Variants in ETS1 observed in about 807,000 individuals in gnomAD.
ETS1 encodes the protein ETS proto-oncogene 1, transcription factor.
A neutral mutation model predicts 58.6 loss-of-function variants in ETS1; 15 were observed. The observed-to-expected ratio is 0.26, with a 90% CI of 0.17 to 0.39. The LOEUF (loss-of-function observed/expected upper bound fraction) is 0.39. Among genes scored for constraint, ETS1 ranks in the 10% least tolerant of loss-of-function variants. ETS1 has a pLI of 1.00. For missense variants in ETS1, 417 were observed against 610.5 expected, an observed-to-expected ratio of 0.68 and a Z score of 3.34; for synonymous variants, 214 against 218.2, an observed-to-expected ratio of 0.98 and a Z score of 0.17.
intron 3 of ETS1, chr11:128,536,663 T>C (rs1863977536): frequency 6.6e-6 from 1 of 152,168 alleles, no homozygotes; most frequent in South Asian, 2.1e-4. Context: ...AAGCCTCTCA[T>C]TAGGAGGAGA....
chr11:128,552,178 T>A (rs1317202088), intron 3 of ETS1, among the ~76,000 whole-genome samples: 1 of 152,108 alleles, frequency 6.6e-6, no homozygotes, highest in Non-Finnish European at 1.5e-5. Flanking sequence ...GATTAAGTTG[T>A]CTAAGGTCAC....
rs141583646 is a variant in ETS1, at chr11:128,558,170, G to A, written c.70-1735C>T. On this transcript the variant is annotated intron_variant, in intron 2 of 9. Coordinates refer to ENST00000392668, the MANE Select transcript of ETS1 (RefSeq NM_001143820.2). ...CATTAAAGGTACTGAGGATGTAAGT[G>A]GGACTCAGTGGAAATGTCACCAGTT... Among the ~76,000 whole-genome samples the A allele has an allele frequency of 1.6e-3, 245 of 152,288 alleles. 2 individuals carry two copies. Among genetic ancestry groups the A allele is most frequent in the East Asian group, 2.5e-3 (13 of 5,186 alleles).
At chr11:128,509,550 A>ATTTTTTTTTTTTTT (rs59753000) in intron 3 of ETS1, among the ~76,000 whole-genome samples, 1 of 95,102 alleles carries the variant, frequency 1.1e-5, no homozygotes. Context: ...TCAGGTGAAA[A>ATTTTTTTTTTTTTT]TTTTTTTTTT....
intron 3 of ETS1, among the ~76,000 whole-genome samples, chr11:128,548,185 G>T (rs1326505578): frequency 6.6e-6 from 1 of 151,484 alleles, no homozygotes; most frequent in Non-Finnish European, 1.5e-5. Context: ...AGAAAAAGAA[G>T]TGGGGGAGTG....
chr11:128,517,936 C>CAAAT (rs889814548), intron 3 of ETS1, among the ~76,000 whole-genome samples: 1 of 152,154 alleles, frequency 6.6e-6, no homozygotes, highest in Non-Finnish European at 1.5e-5. Flanking sequence ...CTCTGCCAAC[C>CAAAT]AAATAAATAA....
chr11:128,500,111 G>T (rs1252432548), intron 3 of ETS1, among the ~76,000 whole-genome samples: 2 of 152,132 alleles, frequency 1.3e-5, no homozygotes, highest in African/African-American at 4.8e-5. Flanking sequence ...GAGGAACGGG[G>T]GCTAGGAAGG....
intron 3 of ETS1, chr11:128,522,332 C>T (rs909762789): frequency 1.5e-5 from 15 of 1,032,976 alleles, no homozygotes; most frequent in Non-Finnish European, 1.7e-5. Context: ...CCCTCCCTCT[C>T]GCCCTCCCGC....
chr11:128,523,294 T>TA, intron 3 of ETS1, among the ~76,000 whole-genome samples: 1 of 152,292 alleles, frequency 6.6e-6, no homozygotes, highest in Non-Finnish European at 1.5e-5. Flanking sequence ...ACACTAGAGA[T>TA]AAAACAAAAT....
At chr11:128,520,910 C>G (rs1031640726) in intron 3 of ETS1, among the ~76,000 whole-genome samples, 1 of 152,198 alleles carries the variant, frequency 6.6e-6, no homozygotes, top group African/African-American at 2.4e-5. Context: ...TAATCAGATA[C>G]AACAGAGGAG....
chr11:128,509,550 A>ATTT (rs59753000), intron 3 of ETS1, among the ~76,000 whole-genome samples: 11 of 95,106 alleles, frequency 1.2e-4, no homozygotes, highest in Admixed American at 3.5e-4. Flanking sequence ...TCAGGTGAAA[A>ATTT]TTTTTTTTTT....
chr11:128,496,038 A>C (rs1862931927), intron 3 of ETS1, among the ~76,000 whole-genome samples: 1 of 152,124 alleles, frequency 6.6e-6, no homozygotes, highest in African/African-American at 2.4e-5. Flanking sequence ...AATCCCAGAA[A>C]ACAAGTCATT....
intron 1 of ETS1, among the ~76,000 whole-genome samples, chr11:128,580,785 T>C (rs1286333272): frequency 1.3e-5 from 2 of 152,236 alleles, no homozygotes; most frequent in Non-Finnish European, 2.9e-5. Context: ...CATCTCAGTC[T>C]TTGTTTCTTC....
chr11:128,539,165 A>G (rs1451892647), intron 3 of ETS1, among the ~76,000 whole-genome samples: 2 of 152,242 alleles, frequency 1.3e-5, no homozygotes, highest in African/African-American at 2.4e-5. Flanking sequence ...TACAATGCTA[A>G]AAGCACTAGA....
chr11:128,509,672 C>T (rs1217414222), intron 3 of ETS1, among the ~76,000 whole-genome samples: 2 of 150,224 alleles, frequency 1.3e-5, no homozygotes, highest in Non-Finnish European at 2.9e-5. Context: ...ACAGAGAACA[C>T]ATCACACAGA....
chr11:128,511,832 T>G (rs1367167939), intron 3 of ETS1, among the ~76,000 whole-genome samples: 1 of 152,230 alleles, frequency 6.6e-6, no homozygotes, highest in African/African-American at 2.4e-5. Flanking sequence ...AGCTTCATGT[T>G]CTAACTCTCC....
At chr11:128,485,586 T>C (rs970691094) in intron 6 of ETS1, among the ~76,000 whole-genome samples, 1 of 152,222 alleles carries the variant, frequency 6.6e-6, no homozygotes, top group African/African-American at 2.4e-5. Flanking sequence ...CTCTTCAGTA[T>C]GGTTGGGTAT....
intron 3 of ETS1, among the ~76,000 whole-genome samples, chr11:128,499,481 G>C (rs1353701814): frequency 6.6e-6 from 1 of 152,140 alleles, no homozygotes; most frequent in Non-Finnish European, 1.5e-5. Context: ...TGTTTCTTAA[G>C]TGACTTAACT....
chr11:128,556,143 G>A (rs772504959), intron 3 of ETS1, 148 bp downstream of exon 3: 4 of 606,140 alleles, frequency 6.6e-6, no homozygotes, highest in Non-Finnish European at 1.1e-5. Flanking sequence ...AAAATTTATG[G>A]AGAAGGCCCG....
intron 1 of ETS1, among the ~76,000 whole-genome samples, chr11:128,577,866 A>C (rs1186964482): frequency 2.6e-5 from 4 of 151,238 alleles, no homozygotes; most frequent in Non-Finnish European, 5.9e-5. Context: ...GGTGCAGCTG[A>C]TGTTCAAGCA....
Sources: allele counts gnomAD v4.1 joint callset (sites outside exome capture counted in the v4.1 genomes callset), GRCh38; gene constraint gnomAD v4.1.1; transcripts MANE v1.5; gene names NCBI Gene and HGNC (gene_info 2026-07-23, HGNC 2026-07-21).